TLE4: variants seen among roughly 807,000 people sequenced by gnomAD.
TLE4 encodes the protein transducin-like enhancer protein 4.
In TLE4, 8 loss-of-function variants were observed where a neutral mutation model predicts 92.8. That is an observed-to-expected ratio of 0.09 (90% CI 0.05 to 0.16). The LOEUF is 0.16. Among genes scored for constraint, TLE4 ranks in the 10% least tolerant of loss-of-function variants. TLE4 has a pLI of 1.00. For synonymous variants in TLE4, 371 were observed against 374.1 expected (o/e 0.99, Z 0.10); for missense variants, 675 against 997.6 (o/e 0.68, Z 4.36).
chr9:79,708,322 A>G, intron 12 of TLE4, 72 bp downstream of exon 12: 5 of 1,531,060 alleles, frequency 3.3e-6, no homozygotes, highest in Admixed American at 1.8e-5. Context: ...TAAGGAGTAC[A>G]GTACATTAAA....
intron 19 of TLE4, among the ~76,000 whole-genome samples, chr9:79,724,587 T>C (rs1018872529): frequency 6.6e-6 from 1 of 151,938 alleles, no homozygotes; most frequent in Non-Finnish European, 1.5e-5. Flanking sequence ...ATGCCTGTAA[T>C]CTCAGGCATA....
At chr9:79,577,127 A>G (rs1484170279) in intron 4 of TLE4, among the ~76,000 whole-genome samples, 2 of 152,156 alleles carry the variant, frequency 1.3e-5, no homozygotes, top group Middle Eastern at 3.2e-3. Context: ...AAGACAAGGG[A>G]AAACTTACTG....
chr9:79,647,521 G>A (rs1321234555), intron 6 of TLE4, among the ~76,000 whole-genome samples: 1 of 152,140 alleles, frequency 6.6e-6, no homozygotes, highest in Non-Finnish European at 1.5e-5. Flanking sequence ...AAGATGTCCA[G>A]AATAGGCTTA....
At chr9:79,604,127 G>C (rs1444888484) in intron 4 of TLE4, among the ~76,000 whole-genome samples, 1 of 152,144 alleles carries the variant, frequency 6.6e-6, no homozygotes, top group African/African-American at 2.4e-5. Flanking sequence ...AGGAGGACGA[G>C]TAATTGAGGA....
At chr9:79,680,053 T>C (rs541613524) in intron 8 of TLE4, among the ~76,000 whole-genome samples, 2 of 152,360 alleles carry the variant, frequency 1.3e-5, no homozygotes, top group African/African-American at 4.8e-5. Context: ...GGTAGCGTGA[T>C]GCCTCCGGCT....
At chr9:79,668,710 T>C in intron 8 of TLE4, 1 of 453,278 alleles carries the variant, frequency 2.2e-6, no homozygotes. Context: ...GTGGGGAGGA[T>C]TAAGAAGAAC....
chr9:79,596,170 G>C (rs1245027087), intron 4 of TLE4, among the ~76,000 whole-genome samples: 2 of 152,078 alleles, frequency 1.3e-5, no homozygotes, highest in Non-Finnish European at 2.9e-5. Flanking sequence ...TAATCGAAGA[G>C]AACATACCTC....
intron 4 of TLE4, among the ~76,000 whole-genome samples, chr9:79,591,486 A>G (rs1000853173): frequency 6.6e-6 from 1 of 152,202 alleles, no homozygotes; most frequent in African/African-American, 2.4e-5. Flanking sequence ...TGGGCTATAA[A>G]AAGAAAGCAA....
chr9:79,674,437 A>G (rs886769524), intron 8 of TLE4, among the ~76,000 whole-genome samples: 3 of 152,188 alleles, frequency 2.0e-5, no homozygotes, highest in African/African-American at 4.8e-5. Context: ...TTCTAGGGTC[A>G]GTTTTAAACC....
chr9:79,686,367 G>A (rs903102616), intron 8 of TLE4, among the ~76,000 whole-genome samples: 3 of 152,164 alleles, frequency 2.0e-5, no homozygotes, highest in Non-Finnish European at 2.9e-5. Context: ...CATCTGTAAT[G>A]TTGGTTTCTC....
At position 79,721,797 on chromosome 9, in the gene TLE4, C is replaced by G. The variant is rs1417903226; in HGVS notation, c.1895C>G (p.Thr632Ser). 1.1e-5 allele frequency: 17 copies of G among 1,614,084 alleles called. No homozygotes were observed. The East Asian group carries it at 3.8e-4, about 36-fold the overall frequency. ...TGTATTGACATTTCTAATGATGGCA[C>G]CAAGCTCTGGACAGGTGGTTTGGAC... ...ASCIDISNDG[T>S]KLWTGGLDNT... The change falls in exon 17 of 20, where the codon ACC (threonine) becomes AGC (serine). Residue 632 changes from threonine (T) to serine (S), a missense_variant. Physicochemically the swap from Thr to Ser is moderately conservative, Grantham distance 58 (BLOSUM62 1). Around this residue, in one of 5 missense-constraint regions of TLE4, gnomAD observed 170 missense variants for 359.6 expected, o/e 0.47. Transcript: ENST00000376552.
chr9:79,709,074 C>T (rs940403591), intron 13 of TLE4, among the ~76,000 whole-genome samples: 2 of 152,178 alleles, frequency 1.3e-5, no homozygotes, highest in African/African-American at 4.8e-5. Context: ...CTCATATGAT[C>T]TGCCTGCCAC....
At position 79,667,743 on chromosome 9, in the gene TLE4, G is replaced by A. The variant is rs187980301; in HGVS notation, c.609+13668G>A. Among the ~76,000 whole-genome samples, 5 of 152,166 alleles carry A rather than the reference G, an allele frequency of 3.3e-5. No individual in the cohort carries two copies. The East Asian group carries it at 7.7e-4, about 24-fold the overall frequency. On this transcript the variant is annotated intron_variant, in intron 8 of 19. Coordinates refer to ENST00000376552, the MANE Select transcript of TLE4 (RefSeq NM_007005.6). Reference sequence around the variant, plus strand: ...GCTTCGAAGTCAGGATTTTCTACACGACCCCACCCTCAATCTGGTCCACAT... The same window carrying A: ...GCTTCGAAGTCAGGATTTTCTACACAACCCCACCCTCAATCTGGTCCACAT...
intron 8 of TLE4, among the ~76,000 whole-genome samples, chr9:79,703,701 A>C (rs1280983257): frequency 6.6e-6 from 1 of 152,160 alleles, no homozygotes; most frequent in Non-Finnish European, 1.5e-5. Flanking sequence ...ATCTTTCTCC[A>C]TTCCCTGGCC....
rs1176358201 is a variant in TLE4, at chr9:79,723,131, T to G, written c.2214+96T>G. On this transcript the variant is annotated intron_variant, in intron 19 of 19. Coordinates refer to ENST00000376552, the MANE Select transcript of TLE4 (RefSeq NM_007005.6). Reference sequence around the variant, plus strand: ...TAATGTGCAGAAGTGTCCTGGGAGGTCAGAGCTAGTATTATGCACATTGTA... The same window carrying G: ...TAATGTGCAGAAGTGTCCTGGGAGGGCAGAGCTAGTATTATGCACATTGTA... The G allele has an allele frequency of 2.6e-6, 3 of 1,168,494 alleles. No homozygotes were observed. The African/African-American group carries it at 4.6e-5, about 18-fold the overall frequency. 72.4% of individuals were successfully genotyped at this position (1,168,494 alleles called of 1,614,324 possible).
At chr9:79,701,503 T>C (rs993402204) in intron 8 of TLE4, among the ~76,000 whole-genome samples, 1 of 152,226 alleles carries the variant, frequency 6.6e-6, no homozygotes, top group Admixed American at 6.5e-5. Flanking sequence ...TGGAAATAAC[T>C]TTCAATAGAA....
At chr9:79,685,324 A>T (rs746852499) in intron 8 of TLE4, among the ~76,000 whole-genome samples, 25 of 151,720 alleles carry the variant, frequency 1.6e-4, no homozygotes, top group Admixed American at 4.6e-4. Flanking sequence ...ATTAGAACAG[A>T]TTTTTTTTTC....
intron 14 of TLE4, among the ~76,000 whole-genome samples, chr9:79,715,027 T>C (rs2074212855): frequency 6.6e-6 from 1 of 152,202 alleles, no homozygotes; most frequent in South Asian, 2.1e-4. Context: ...ATTAATGTCA[T>C]TAATGAAAGC....
chr9:79,585,804 T>C (rs1286015045), intron 4 of TLE4, among the ~76,000 whole-genome samples: 1 of 152,116 alleles, frequency 6.6e-6, no homozygotes, highest in Non-Finnish European at 1.5e-5. Flanking sequence ...TACTTTCTCA[T>C]CCTTTTTTTT....
Sources: allele counts gnomAD v4.1 joint callset (sites outside exome capture counted in the v4.1 genomes callset), GRCh38; gene constraint gnomAD v4.1.1; regional missense constraint gnomAD v4.1.1; transcripts MANE v1.5; gene names NCBI Gene and HGNC (gene_info 2026-07-23, HGNC 2026-07-21).